Variants in SPEF2 observed in about 807,000 individuals in gnomAD.
SPEF2 encodes sperm flagellar and cilia associated 2.
A neutral mutation model predicts 224.6 loss-of-function variants in SPEF2; 187 were observed. That is an observed-to-expected ratio of 0.83 (90% confidence interval 0.74 to 0.94). SPEF2 has a LOEUF of 0.94. Ranked by LOEUF, SPEF2 falls within the 40% of genes least tolerant of loss-of-function variation. The probability of loss-of-function intolerance (pLI) is 0.00; values close to 1 mark genes in which losing one functional copy is unlikely to be tolerated. For missense variants in SPEF2, 2,170 were observed against 2,135.6 expected (o/e 1.02, Z -0.32); for synonymous variants, 715 against 707.3 (o/e 1.01, Z -0.17).
chr5:35,630,923 T>C (rs1745016069), intron 2 of SPEF2, among the ~76,000 whole-genome samples: 1 of 152,076 alleles, frequency 6.6e-6, no homozygotes, highest in Admixed American at 6.5e-5. Flanking sequence ...ACAATCCAAT[T>C]TAACAATAGG....
At chr5:35,667,980 G>T (rs770024877) in intron 9 of SPEF2, among the ~76,000 whole-genome samples, 1 of 152,030 alleles carries the variant, frequency 6.6e-6, no homozygotes, top group Non-Finnish European at 1.5e-5. Context: ...ACACCTATAA[G>T]AATGGTTAAA....
intron 29 of SPEF2, among the ~76,000 whole-genome samples, chr5:35,778,122 A>T (rs1208534693): frequency 6.6e-6 from 1 of 152,216 alleles, no homozygotes; most frequent in African/African-American, 2.4e-5. Flanking sequence ...TTATATGTTC[A>T]GTATGTGGTA....
intron 16 of SPEF2, among the ~76,000 whole-genome samples, chr5:35,702,790 A>G (rs1232251558): frequency 6.6e-6 from 1 of 152,178 alleles, no homozygotes; most frequent in Admixed American, 6.5e-5. Flanking sequence ...TAGAATCTCA[A>G]TCCCAATTAC....
intron 10 of SPEF2, among the ~76,000 whole-genome samples, chr5:35,680,505 T>C (rs945098818): frequency 6.6e-6 from 1 of 152,182 alleles, no homozygotes; most frequent in African/African-American, 2.4e-5. Context: ...ATAGTATTGA[T>C]TGATTGACTG....
chr5:35,776,678 C>T (rs1399114116), intron 29 of SPEF2, among the ~76,000 whole-genome samples: 2 of 152,136 alleles, frequency 1.3e-5, no homozygotes, highest in Admixed American at 1.3e-4. Flanking sequence ...CCTTATTTTA[C>T]AAGGTAAGAT....
Position 35,691,268 on chromosome 5 carries a change from TCTC to T in SPEF2, c.1744+15_1744+17del. 2 of 1,602,380 alleles carry T rather than the reference TCTC, an allele frequency of 1.2e-6. No homozygotes were observed. The highest frequency in any genetic ancestry group is 1.7e-5 in the Admixed American group (1 of 59,934). On this transcript the variant is annotated intron_variant, in intron 11 of 36. Coordinates refer to ENST00000356031, the MANE Select transcript of SPEF2 (RefSeq NM_024867.4). ...GTCTCTACAAAAAGGTAGAATTTCT[TCTC>T]CTACTCTCCCTGCCATTAGGTCCTA...
chr5:35,715,073 G>A (rs920547717), intron 20 of SPEF2, among the ~76,000 whole-genome samples: 20 of 151,674 alleles, frequency 1.3e-4, no homozygotes, highest in Admixed American at 1.3e-4. Context: ...ATGCCACCAC[G>A]CCTGGCTAAT....
chr5:35,750,466 A>G (rs1458471350), intron 23 of SPEF2, among the ~76,000 whole-genome samples: 2 of 152,202 alleles, frequency 1.3e-5, no homozygotes, highest in Admixed American at 1.3e-4. Context: ...ACAAAAGACT[A>G]ATATCCAGAA....
chr5:35,775,931 T>C (rs1753557901), intron 28 of SPEF2, among the ~76,000 whole-genome samples: 1 of 152,144 alleles, frequency 6.6e-6, no homozygotes, highest in Admixed American at 6.5e-5. Flanking sequence ...AGTAAGGAGA[T>C]AAGCACGGTC....
At chr5:35,705,432 C>T (rs1164942036) in intron 17 of SPEF2, among the ~76,000 whole-genome samples, 1 of 146,456 alleles carries the variant, frequency 6.8e-6, no homozygotes, top group Non-Finnish European at 1.5e-5. Flanking sequence ...CCTGAATCAA[C>T]AACATTTTCC....
chr5:35,783,539 A>G (rs1408520219), intron 30 of SPEF2, among the ~76,000 whole-genome samples: 2 of 152,240 alleles, frequency 1.3e-5, no homozygotes, highest in Non-Finnish European at 2.9e-5. Flanking sequence ...ATGTCATATT[A>G]GTATATAATA....
At chr5:35,725,297 C>CT (rs1206599581) in intron 20 of SPEF2, among the ~76,000 whole-genome samples, 2 of 152,104 alleles carry the variant, frequency 1.3e-5, no homozygotes, top group Non-Finnish European at 2.9e-5. Context: ...TGGTTGACCC[C>CT]CAAGGCAATA....
intron 2 of SPEF2, chr5:35,632,924 A>G (rs1282862836): frequency 1.3e-5 from 2 of 152,304 alleles, no homozygotes; most frequent in East Asian, 3.9e-4. Flanking sequence ...CAACACAGTT[A>G]TTTCAATCTC....
Position 35,814,487 on chromosome 5 carries a change from G to T in SPEF2, c.5403G>T (p.Arg1801Ser). The T allele has an allele frequency of 6.2e-7, 1 of 1,605,392 alleles. No individual in the cohort carries two copies. The highest frequency in any genetic ancestry group is 1.1e-5 in the South Asian group (1 of 89,602). ...AGGATATTAAAATAATTCTCCAAAGGAGTGAACATGTACAAGGAAGTGATG... is the reference window on the plus strand; with the variant it reads ...AGGATATTAAAATAATTCTCCAAAGTAGTGAACATGTACAAGGAAGTGATG... ...KFPDIKIILQ[R>S]SEHVQGSDGE... Residue 1801 changes from arginine to serine, a missense_variant, in exon 37 of 37, where the codon AGG becomes AGT. Transcript: ENST00000356031.
chr5:35,721,673 A>G (rs1743693954), intron 20 of SPEF2, among the ~76,000 whole-genome samples: 2 of 152,228 alleles, frequency 1.3e-5, no homozygotes, highest in African/African-American at 4.8e-5. Flanking sequence ...TATTTGATCC[A>G]AGTGCTTGTC....
At chr5:35,640,375 G>A (rs1409497451) in intron 2 of SPEF2, among the ~76,000 whole-genome samples, 1 of 152,150 alleles carries the variant, frequency 6.6e-6, no homozygotes, top group Non-Finnish European at 1.5e-5. Context: ...ATGAAAGGAC[G>A]ACTGTGATGG....
Position 35,654,846 on chromosome 5 carries a change from T to G in SPEF2, c.978+120T>G. 7 of 798,966 alleles carry G rather than the reference T, an allele frequency of 8.8e-6. No homozygotes were observed. The South Asian group carries it at 1.9e-4, about 22-fold the overall frequency. The allele number at this position is 798,966 out of a possible 1,614,324, so 49.5% of individuals were successfully genotyped here. ...CTGCTACTCTGCATCAAATGTCACT[T>G]TCACATCCTCATCATAATAGCAAAT... On this transcript the variant is annotated intron_variant, in intron 7 of 36. Transcript: ENST00000356031.
intron 27 of SPEF2, 137 bp from the exon 28 acceptor site, chr5:35,773,756 G>A: frequency 1.0e-6 from 1 of 984,326 alleles, no homozygotes; most frequent in Non-Finnish European, 1.4e-6. Flanking sequence ...ATGCTGGGAG[G>A]ACCAAGGTTT....
At position 35,807,334 on chromosome 5, in the gene SPEF2, A is replaced by G. The variant is rs1347363742; in HGVS notation, c.5379+81A>G. 3.9e-6 allele frequency: 6 copies of G among 1,521,916 alleles called. No homozygotes were observed. The African/African-American group carries it at 4.2e-5, about 11-fold the overall frequency. 94.3% of individuals were successfully genotyped at this position (1,521,916 alleles called of 1,614,324 possible). The stretch of plus-strand genomic sequence containing the variant: ...AGGATGTTTCTAAATGTGAGCTGGC[A>G]TGGAAGAGAAAGAAGCTGTACTCTG... On this transcript the variant is annotated intron_variant, in intron 36 of 36. Coordinates refer to ENST00000356031, the MANE Select transcript of SPEF2 (RefSeq NM_024867.4).
Sources: gnomAD v4.1 joint callset for allele counts (sites outside exome capture counted in the v4.1 genomes callset) on GRCh38, gnomAD v4.1.1 for gene constraint, MANE v1.5 for transcripts, NCBI Gene and HGNC (gene_info 2026-07-23, HGNC 2026-07-21) for gene names.